Variants in NELL1 observed in about 807,000 individuals in gnomAD.
NELL1 encodes the protein neural EGFL like 1.
Under a neutral mutation model 107.4 loss-of-function variants are expected in NELL1, and 76 were observed. The observed-to-expected ratio is 0.71, with a 90% CI of 0.59 to 0.86. NELL1 has a LOEUF of 0.86. NELL1 is among the 40% of genes least tolerant of loss of function. NELL1 has a pLI of 0.00. For synonymous variants in NELL1, 353 were observed against 341.2 expected (o/e 1.03, Z -0.38); for missense variants, 1,024 against 1,005.5 (o/e 1.02, Z -0.25).
intron 4 of NELL1, among the ~76,000 whole-genome samples, chr11:20,869,434 A>ATT (rs1259963616): frequency 2.6e-5 from 4 of 152,200 alleles, no homozygotes; most frequent in Non-Finnish European, 1.5e-5. Context: ...CTAGTATTCA[A>ATT]AGTGCTGATG....
intron 5 of NELL1, among the ~76,000 whole-genome samples, chr11:20,915,717 A>ATATATATATATATTTTTTTTTTTT: frequency 3.4e-4 from 20 of 58,210 alleles, no homozygotes; most frequent in African/African-American, 1.7e-3. Flanking sequence ...ATATATATAT[A>ATATATATATATATTTTTTTTTTTT]TTTTTTTTTT....
rs139479331 is a variant in NELL1, at chr11:20,832,541, A to T, written c.336-15042A>T. 2.8e-3 allele frequency among the ~76,000 whole-genome samples: 430 copies of T among 152,298 alleles called. 1 individual carries two copies. The highest frequency in any genetic ancestry group is 4.5e-3 in the Non-Finnish European group (303 of 68,036). On this transcript the variant is annotated intron_variant, in intron 3 of 19. Transcript: ENST00000357134. ...AGACTTAATATTTTTGAAATAAATGAATGAATACCTTAATGAACCTCTGGC... is the reference window on the plus strand; with the variant it reads ...AGACTTAATATTTTTGAAATAAATGTATGAATACCTTAATGAACCTCTGGC...
At chr11:20,696,958 A>C (rs1386166948) in intron 2 of NELL1, among the ~76,000 whole-genome samples, 1 of 152,180 alleles carries the variant, frequency 6.6e-6, no homozygotes, top group Non-Finnish European at 1.5e-5. Flanking sequence ...CTGTTTAAAC[A>C]GTTGGCTGCC....
chr11:21,022,572 C>G (rs978311314), intron 12 of NELL1, among the ~76,000 whole-genome samples: 23 of 152,046 alleles, frequency 1.5e-4, no homozygotes, highest in African/African-American at 4.8e-4. Flanking sequence ...CAGTAAAACT[C>G]TTGACGCTAA....
chr11:21,477,976 T>A (rs10766819), intron 15 of NELL1, among the ~76,000 whole-genome samples: 1 of 151,126 alleles, frequency 6.6e-6, no homozygotes, highest in Non-Finnish European at 1.5e-5. Context: ...GAAAAATGCA[T>A]CTGTATTAGT....
chr11:20,919,164 C>G, intron 6 of NELL1, 88 bp from the exon 7 acceptor site: 1 of 710,868 alleles, frequency 1.4e-6, no homozygotes, highest in Non-Finnish European at 2.2e-6. Context: ...AAAAACTCTT[C>G]TACATAGTCA....
chr11:21,443,702 C>G (rs28553546), intron 15 of NELL1, among the ~76,000 whole-genome samples: 1 of 151,340 alleles, frequency 6.6e-6, no homozygotes, highest in African/African-American at 2.4e-5. Flanking sequence ...AGCCTGACCA[C>G]TTGGGTGTGG....
At position 20,919,827 on chromosome 11, in the gene NELL1, A is replaced by G. The variant is rs997102101; in HGVS notation, c.759+493A>G. Among the ~76,000 whole-genome samples, 87 of 152,158 alleles carry G rather than the reference A, an allele frequency of 5.7e-4. 1 individual carries two copies. Among genetic ancestry groups the G allele is most frequent in the Non-Finnish European group, 1.8e-4 (12 of 68,000 alleles). On this transcript the variant is annotated intron_variant, in intron 7 of 19. Coordinates refer to ENST00000357134, the MANE Select transcript of NELL1 (RefSeq NM_006157.5). Reference sequence around the variant, plus strand: ...AAGGCTGGTCCTGAGTTAAATAGCAAAGGAGGCAAAGTTTGCCTTTCAACA... The same window carrying G: ...AAGGCTGGTCCTGAGTTAAATAGCAGAGGAGGCAAAGTTTGCCTTTCAACA...
intron 15 of NELL1, among the ~76,000 whole-genome samples, chr11:21,522,834 C>CTTTTTTTTTT (rs66707466): frequency 2.2e-4 from 15 of 68,432 alleles, no homozygotes; most frequent in East Asian, 4.3e-4. Flanking sequence ...TTTTTCTTTT[C>CTTTTTTTTTT]TTTTTTTTTT....
chr11:21,009,711 C>T (rs1852405517), intron 12 of NELL1, among the ~76,000 whole-genome samples: 1 of 152,068 alleles, frequency 6.6e-6, no homozygotes, highest in Non-Finnish European at 1.5e-5. Context: ...CTCAGAATGT[C>T]AATTCAGTAA....
intron 12 of NELL1, among the ~76,000 whole-genome samples, chr11:21,047,426 G>A (rs1323886019): frequency 6.6e-6 from 1 of 151,990 alleles, no homozygotes; most frequent in Non-Finnish European, 1.5e-5. Context: ...TGTATTAGAT[G>A]AACCTAATGG....
chr11:20,914,477 G>A (rs563164747), intron 5 of NELL1, among the ~76,000 whole-genome samples: 15 of 152,232 alleles, frequency 9.9e-5, no homozygotes, highest in African/African-American at 3.4e-4. Flanking sequence ...TGGAGAAGAA[G>A]CTTTTATCAT....
At chr11:21,317,685 A>G (rs1305346359) in intron 14 of NELL1, among the ~76,000 whole-genome samples, 1 of 152,090 alleles carries the variant, frequency 6.6e-6, no homozygotes, top group Non-Finnish European at 1.5e-5. Context: ...CAGAGGAAAC[A>G]TTAGCAAAAC....
At chr11:20,701,062 T>A (rs893305123) in intron 2 of NELL1, among the ~76,000 whole-genome samples, 17 of 152,232 alleles carry the variant, frequency 1.1e-4, no homozygotes, top group African/African-American at 3.9e-4. Context: ...TTTCTAGTTC[T>A]AGATCCTTGA....
At chr11:21,196,165 G>C (rs1286685329) in intron 13 of NELL1, among the ~76,000 whole-genome samples, 1 of 152,104 alleles carries the variant, frequency 6.6e-6, no homozygotes, top group Non-Finnish European at 1.5e-5. Context: ...ATGTGTTTCT[G>C]CTGTCCTGTT....
At chr11:21,039,250 A>C (rs1343949005) in intron 12 of NELL1, among the ~76,000 whole-genome samples, 1 of 151,912 alleles carries the variant, frequency 6.6e-6, no homozygotes, top group African/African-American at 2.4e-5. Flanking sequence ...CACTGGTGCA[A>C]TCTCGGCTCA....
intron 2 of NELL1, among the ~76,000 whole-genome samples, chr11:20,750,866 G>A (rs1038059438): frequency 6.6e-6 from 1 of 152,106 alleles, no homozygotes; most frequent in Admixed American, 6.6e-5. Context: ...GGGATTACAG[G>A]CGTGAGACAC....
chr11:21,379,455 C>G (rs1284059121), intron 15 of NELL1, among the ~76,000 whole-genome samples: 1 of 152,032 alleles, frequency 6.6e-6, no homozygotes, highest in Non-Finnish European at 1.5e-5. Flanking sequence ...TAGTAAGTAT[C>G]TGATCAAGAA....
chr11:21,075,391 A>G (rs1854111054), intron 12 of NELL1, among the ~76,000 whole-genome samples: 2 of 152,146 alleles, frequency 1.3e-5, no homozygotes, highest in Admixed American at 6.6e-5. Flanking sequence ...TGTTTTTACT[A>G]TAATATCACA....
Sources: gnomAD v4.1 joint callset for allele counts (sites outside exome capture counted in the v4.1 genomes callset) on GRCh38, gnomAD v4.1.1 for gene constraint, MANE v1.5 for transcripts, NCBI Gene and HGNC (gene_info 2026-07-23, HGNC 2026-07-21) for gene names.